The following PPP1R9A variants were observed in gnomAD, a reference collection of about 807,000 sequenced individuals.
PPP1R9A encodes the protein neurabin-1.
In PPP1R9A, 59 loss-of-function variants were observed where a neutral mutation model predicts 141.9. That is an observed-to-expected ratio of 0.42 (90% CI 0.34 to 0.52). The LOEUF (loss-of-function observed/expected upper bound fraction) is 0.52. Among genes scored for constraint, PPP1R9A ranks in the 20% least tolerant of loss-of-function variants. The pLI is 0.10. For missense variants in PPP1R9A, 1,444 were observed against 1,611.9 expected (o/e 0.90, Z 1.78); for synonymous variants, 500 against 569.7 (o/e 0.88, Z 1.74).
At chr7:94,986,355 A>T (rs531435751) in intron 2 of PPP1R9A, among the ~76,000 whole-genome samples, 9 of 152,286 alleles carry the variant, frequency 5.9e-5, no homozygotes, top group African/African-American at 2.2e-4. Context: ...ACATGGATGA[A>T]CCTGGAGGAC....
chr7:95,118,275 C>A (rs1401009506), intron 3 of PPP1R9A, among the ~76,000 whole-genome samples: 3 of 152,078 alleles, frequency 2.0e-5, no homozygotes, highest in Non-Finnish European at 4.4e-5. Context: ...CAAGATAAAT[C>A]CTCTTGATGA....
chr7:95,139,226 C>T (rs1478803229), intron 4 of PPP1R9A, among the ~76,000 whole-genome samples: 3 of 152,138 alleles, frequency 2.0e-5, no homozygotes. Flanking sequence ...GCAGAAGGCA[C>T]CTCCTCACAG....
At chr7:95,047,874 C>A (rs1203723557) in intron 2 of PPP1R9A, among the ~76,000 whole-genome samples, 1 of 152,084 alleles carries the variant, frequency 6.6e-6, no homozygotes, top group Non-Finnish European at 1.5e-5. Context: ...ATGCTGTAGG[C>A]TGAACAGATA....
intron 5 of PPP1R9A, among the ~76,000 whole-genome samples, chr7:95,169,052 GA>G (rs1436108273): frequency 5.3e-5 from 8 of 152,016 alleles, no homozygotes; most frequent in Non-Finnish European, 8.8e-5. Context: ...TTAAAGAAAA[GA>G]AATCAGTATA....
chr7:95,111,555 G>C (rs1820568110), intron 3 of PPP1R9A, among the ~76,000 whole-genome samples, 164 bp downstream of exon 3: 1 of 152,164 alleles, frequency 6.6e-6, no homozygotes, highest in Non-Finnish European at 1.5e-5. Flanking sequence ...ATTCTGAGTA[G>C]ATGGTGGATT....
chr7:95,217,530 G>A (rs992867758), intron 7 of PPP1R9A, among the ~76,000 whole-genome samples: 1 of 152,146 alleles, frequency 6.6e-6, no homozygotes, highest in African/African-American at 2.4e-5. Context: ...GATTGGAATA[G>A]TTTCAGAAGG....
intron 2 of PPP1R9A, among the ~76,000 whole-genome samples, chr7:94,954,269 A>G (rs1046252530): frequency 1.3e-5 from 2 of 151,716 alleles, no homozygotes; most frequent in African/African-American, 2.4e-5. Flanking sequence ...TCTGATTTCT[A>G]TTGTTTACTC....
chr7:94,923,917 T>C (rs1256981311), intron 2 of PPP1R9A, among the ~76,000 whole-genome samples: 1 of 152,338 alleles, frequency 6.6e-6, no homozygotes, highest in East Asian at 1.9e-4. Context: ...GGTGAAGTCC[T>C]AATTAAATTG....
At chr7:95,094,647 A>G (rs1188455655) in intron 2 of PPP1R9A, among the ~76,000 whole-genome samples, 3 of 152,152 alleles carry the variant, frequency 2.0e-5, no homozygotes, top group Non-Finnish European at 4.4e-5. Context: ...TGGGAGGCCA[A>G]GGCACGTGGA....
chr7:95,137,415 C>CAAAAAAAAAAAA (rs33928009), intron 4 of PPP1R9A, among the ~76,000 whole-genome samples: 17 of 91,484 alleles, frequency 1.9e-4, no homozygotes, highest in African/African-American at 7.4e-4. Context: ...GACATGAACT[C>CAAAAAAAAAAAA]AAAAAAAAAA....
In PPP1R9A at chr7:95,284,054, G is replaced by A; in HGVS notation, c.3333G>A (p.Lys1111=). 6.3e-7 allele frequency: 1 copy of A among 1,598,302 alleles called. No individual in the cohort carries two copies. The highest frequency in any genetic ancestry group is 8.5e-7 in the Non-Finnish European group (1 of 1,178,956). Reference sequence around the variant, plus strand: ...GCAGACTGGAAAACTGGACACCCAAGCCATGTTCAACAGCTCAGACCTCCA... The same window carrying A: ...GCAGACTGGAAAACTGGACACCCAAACCATGTTCAACAGCTCAGACCTCCA... ...FRGRLENWTP[K]PCSTAQTSTR... Residue 1111 remains lysine (K), a synonymous_variant, in exon 17 of 20, where the codon AAG becomes AAA. Coordinates refer to ENST00000433360, the MANE Select transcript of PPP1R9A (RefSeq NM_001166160.2).
chr7:94,971,985 T>A (rs1333143986), intron 2 of PPP1R9A, among the ~76,000 whole-genome samples: 1 of 152,232 alleles, frequency 6.6e-6, no homozygotes, highest in Non-Finnish European at 1.5e-5. Context: ...TTATGCAATT[T>A]ATTTACATAC....
chr7:95,153,431 G>A (rs1829071745), intron 4 of PPP1R9A, among the ~76,000 whole-genome samples: 2 of 151,946 alleles, frequency 1.3e-5, no homozygotes, highest in South Asian at 4.1e-4. Context: ...TAAGCTTTAG[G>A]TATGGATATC....
At chr7:95,086,563 T>C (rs1348798502) in intron 2 of PPP1R9A, among the ~76,000 whole-genome samples, 1 of 152,068 alleles carries the variant, frequency 6.6e-6, no homozygotes, top group Non-Finnish European at 1.5e-5. Flanking sequence ...TGTTGATTAC[T>C]AACTAAGGGG....
intron 5 of PPP1R9A, among the ~76,000 whole-genome samples, chr7:95,188,151 A>C (rs145242806): frequency 1.2e-3 from 187 of 152,130 alleles, no homozygotes; most frequent in African/African-American, 4.2e-3. Context: ...TTGTTTTATA[A>C]ATTTAGGAGT....
chr7:95,063,416 T>TA (rs772688781), intron 2 of PPP1R9A, among the ~76,000 whole-genome samples: 1 of 151,984 alleles, frequency 6.6e-6, no homozygotes, highest in Non-Finnish European at 1.5e-5. Context: ...ATTAAAAAAA[T>TA]TAGCTCGGTG....
intron 2 of PPP1R9A, among the ~76,000 whole-genome samples, chr7:94,959,638 C>G (rs1049632715): frequency 2.0e-5 from 3 of 151,560 alleles, no homozygotes; most frequent in African/African-American, 7.3e-5. Context: ...TTAAATATGT[C>G]AATACTATGT....
At chr7:95,257,975 A>G (rs1243830534) in intron 12 of PPP1R9A, among the ~76,000 whole-genome samples, 2 of 152,196 alleles carry the variant, frequency 1.3e-5, no homozygotes, top group Non-Finnish European at 2.9e-5. Context: ...TGCAATAAAC[A>G]TATGTGTGCA....
At chr7:95,058,982 G>T (rs563060950) in intron 2 of PPP1R9A, among the ~76,000 whole-genome samples, 87 of 152,030 alleles carry the variant, frequency 5.7e-4, no homozygotes, top group Admixed American at 3.1e-3. Context: ...TGGAGACAGG[G>T]TTTCACCATG....
Sources: allele counts gnomAD v4.1 joint callset (sites outside exome capture counted in the v4.1 genomes callset), GRCh38; gene constraint gnomAD v4.1.1; transcripts MANE v1.5; gene names NCBI Gene and HGNC (gene_info 2026-07-23, HGNC 2026-07-21).